The following DPP10 variants were observed in gnomAD, a reference collection of about 807,000 sequenced individuals.
DPP10 encodes inactive dipeptidyl peptidase 10.
Under a neutral mutation model 120.9 loss-of-function variants are expected in DPP10, and 33 were observed. That is an observed-to-expected ratio of 0.27 (90% CI 0.21 to 0.37). The LOEUF (loss-of-function observed/expected upper bound fraction) is 0.37. DPP10 is among the 10% of genes least tolerant of loss of function. The pLI is 1.00. For missense variants in DPP10, 816 were observed against 942.8 expected (o/e 0.87, Z 1.76); for synonymous variants, 337 against 326.1 (o/e 1.03, Z -0.36).
intron 1 of DPP10, among the ~76,000 whole-genome samples, chr2:114,737,568 A>C (rs190971855): frequency 7.7e-4 from 117 of 152,318 alleles, no homozygotes; most frequent in African/African-American, 2.6e-3. Flanking sequence ...AATAGGAAGC[A>C]TCCTCCTTAC....
intron 1 of DPP10, among the ~76,000 whole-genome samples, chr2:114,509,260 A>T (rs1021085947): frequency 6.6e-6 from 1 of 152,194 alleles, no homozygotes; most frequent in Non-Finnish European, 1.5e-5. Context: ...TGACAAATAA[A>T]ATAACCAAAT....
intron 1 of DPP10, among the ~76,000 whole-genome samples, chr2:114,682,239 C>T (rs1699072623): frequency 1.3e-5 from 2 of 151,882 alleles, no homozygotes; most frequent in Admixed American, 6.6e-5. Context: ...TTCTGTGTAG[C>T]ATGGATGGAA....
chr2:114,872,826 A>G (rs1237257395), intron 1 of DPP10, among the ~76,000 whole-genome samples: 1 of 152,184 alleles, frequency 6.6e-6, no homozygotes. Flanking sequence ...AGACTCTAAG[A>G]CTGCCAACAA....
At chr2:115,539,276 G>A (rs2079045107) in intron 5 of DPP10, among the ~76,000 whole-genome samples, 1 of 151,908 alleles carries the variant, frequency 6.6e-6, no homozygotes, top group African/African-American at 2.4e-5. Flanking sequence ...GTATTGGAGG[G>A]CTATCACAGA....
intron 1 of DPP10, among the ~76,000 whole-genome samples, chr2:115,037,952 C>A (rs1704344659): frequency 6.6e-6 from 1 of 152,160 alleles, no homozygotes; most frequent in South Asian, 2.1e-4. Context: ...CTAAAAAGTT[C>A]TCCAGAACTT....
At chr2:115,644,316 G>C (rs866577554) in intron 5 of DPP10, among the ~76,000 whole-genome samples, 5 of 151,904 alleles carry the variant, frequency 3.3e-5, no homozygotes, top group African/African-American at 1.2e-4. Context: ...TCCCCCCTCC[G>C]CCCACTCCGC....
intron 1 of DPP10, among the ~76,000 whole-genome samples, chr2:114,761,958 C>A (rs1407497528): frequency 6.6e-6 from 1 of 152,154 alleles, no homozygotes; most frequent in African/African-American, 2.4e-5. Context: ...AGACAGAAAG[C>A]CAGGCAGCCA....
At chr2:114,816,097 A>G (rs958688289) in intron 1 of DPP10, among the ~76,000 whole-genome samples, 1 of 152,178 alleles carries the variant, frequency 6.6e-6, no homozygotes, top group African/African-American at 2.4e-5. Flanking sequence ...TCTGCTTATT[A>G]CAGTCTTGAC....
chr2:115,740,021 T>G (rs1677059129), intron 9 of DPP10, 128 bp downstream of exon 9: 1 of 1,012,782 alleles, frequency 9.9e-7, no homozygotes, highest in Non-Finnish European at 1.5e-6. Context: ...CTTGTCAGAC[T>G]CATCACTTTC....
At chr2:115,791,679 G>A (rs1389843063) in intron 19 of DPP10, among the ~76,000 whole-genome samples, 1 of 152,150 alleles carries the variant, frequency 6.6e-6, no homozygotes, top group Non-Finnish European at 1.5e-5. Context: ...CAACATTGTG[G>A]AACATGTAAT....
intron 5 of DPP10, among the ~76,000 whole-genome samples, chr2:115,538,152 T>G (rs2078973976): frequency 6.6e-6 from 1 of 152,004 alleles, no homozygotes; most frequent in Non-Finnish European, 1.5e-5. Context: ...GAGATGAGAA[T>G]GACTGATGGC....
In DPP10 at chr2:115,289,503, A is replaced by AAAAAT. The variant is rs70941042; in HGVS notation, c.61-19735_61-19734insAAATA. 6.1e-3 allele frequency among the ~76,000 whole-genome samples: 589 copies of AAAAAT among 96,206 alleles called. 4 individuals are homozygous for AAAAAT. Among genetic ancestry groups the AAAAAT allele is most frequent in the African/African-American group, 0.023 (558 of 23,826 alleles). The allele number at this position is 96,206 out of a possible 152,430, so 63.1% of individuals were successfully genotyped here. A position where few individuals can be genotyped will look rare whatever the true frequency, so the allele number is the denominator to read the frequency against. ...AAGAAACCAAAAAAAAAAAAAAAAA[A>AAAAAT]AGGAAGAAAAGAAAAGAAAAAAGAG... On this transcript the variant is annotated intron_variant, in intron 1 of 25. Coordinates refer to ENST00000410059, the MANE Select transcript of DPP10 (RefSeq NM_020868.6).
intron 1 of DPP10, among the ~76,000 whole-genome samples, chr2:114,533,560 T>C (rs1028189153): frequency 6.6e-6 from 1 of 151,936 alleles, no homozygotes; most frequent in African/African-American, 2.4e-5. Context: ...CAAACCACTA[T>C]GGCACACGTT....
intron 1 of DPP10, among the ~76,000 whole-genome samples, chr2:114,650,380 A>T (rs182993922): frequency 1.3e-5 from 2 of 152,192 alleles, no homozygotes; most frequent in East Asian, 3.9e-4. Flanking sequence ...CTTTTATGGT[A>T]CCAAGAATGA....
chr2:114,550,110 G>T (rs1687763944), intron 1 of DPP10, among the ~76,000 whole-genome samples: 1 of 152,056 alleles, frequency 6.6e-6, no homozygotes, highest in African/African-American at 2.4e-5. Context: ...CTTAGCTTCT[G>T]GCCTCCCTCA....
intron 1 of DPP10, among the ~76,000 whole-genome samples, chr2:115,125,604 C>A (rs1030222690): frequency 2.1e-5 from 3 of 143,900 alleles, no homozygotes; most frequent in Non-Finnish European, 4.5e-5. Flanking sequence ...AGAGTCCTCG[C>A]TCTGTCGCCC....
intron 3 of DPP10, among the ~76,000 whole-genome samples, chr2:115,443,294 T>G (rs777100356): frequency 4.0e-4 from 61 of 152,190 alleles, no homozygotes; most frequent in African/African-American, 1.4e-3. Context: ...CTCTCCAGAC[T>G]TTTTTCTCTG....
chr2:115,148,193 C>T (rs1271625058), intron 1 of DPP10, among the ~76,000 whole-genome samples: 1 of 152,128 alleles, frequency 6.6e-6, no homozygotes, highest in African/African-American at 2.4e-5. Flanking sequence ...TTTAGTTCTG[C>T]AATCAATAAG....
intron 1 of DPP10, among the ~76,000 whole-genome samples, chr2:115,081,203 A>T (rs897694045): frequency 6.6e-6 from 1 of 152,172 alleles, no homozygotes; most frequent in African/African-American, 2.4e-5. Flanking sequence ...ATCTTTTCAG[A>T]TATATCAGCT....
Sources: allele counts gnomAD v4.1 joint callset (sites outside exome capture counted in the v4.1 genomes callset), GRCh38; gene constraint gnomAD v4.1.1; transcripts MANE v1.5; gene names NCBI Gene and HGNC (gene_info 2026-07-23, HGNC 2026-07-21).